The following LY6S variants were observed in gnomAD, a reference collection of about 807,000 sequenced individuals.
LY6S encodes lymphocyte antigen 6S.
chr8:143,058,665 G>A, the LY6S span, among the ~76,000 whole-genome samples: 2 of 152,238 alleles, frequency 1.3e-5, no homozygotes, highest in African/African-American at 4.8e-5. Flanking sequence ...TCCACATGCA[G>A]TGGAGGAGTA....
the LY6S span, chr8:143,057,324 A>C: frequency 2.8e-6 from 1 of 357,128 alleles, no homozygotes; most frequent in Admixed American, 3.8e-5. Context: ...ATCTCGGCTC[A>C]CTGCAATCTC....
chr8:143,049,092 C>A, the LY6S span: 3 of 507,300 alleles, frequency 5.9e-6, no homozygotes, highest in Non-Finnish European at 1.2e-5. Flanking sequence ...CCCGTGACCT[C>A]CTAGCGCCCT....
the LY6S span, among the ~76,000 whole-genome samples, chr8:143,070,459 TA>T: frequency 1.3e-4 from 6 of 46,262 alleles, no homozygotes; most frequent in African/African-American, 4.3e-4. Context: ...TATATATATA[TA>T]TATAATATAT....
the LY6S span, chr8:143,043,027 C>A: frequency 7.3e-7 from 1 of 1,367,866 alleles, no homozygotes; most frequent in Non-Finnish European, 9.8e-7. Context: ...CACCAGAATT[C>A]CTGCAATTCA....
At chr8:143,051,130 C>T in the LY6S span, among the ~76,000 whole-genome samples, 6 of 152,232 alleles carry the variant, frequency 3.9e-5, no homozygotes, top group Non-Finnish European at 8.8e-5. Flanking sequence ...AAAGAGGAAA[C>T]TCCTCAGTGA....
At chr8:143,050,428 G>A in the LY6S span, among the ~76,000 whole-genome samples, 24 of 152,096 alleles carry the variant, frequency 1.6e-4, no homozygotes, top group Non-Finnish European at 2.9e-4. Context: ...TGACCCACCC[G>A]TCTCAGCCTC....
the LY6S span, among the ~76,000 whole-genome samples, chr8:143,056,303 T>C: frequency 6.6e-6 from 1 of 151,048 alleles, no homozygotes; most frequent in South Asian, 2.1e-4. Context: ...TGAAAATTCA[T>C]TCAACTTTGG....
the LY6S span, among the ~76,000 whole-genome samples, chr8:143,065,744 CTCTTTCTT>C: frequency 4.8e-5 from 5 of 103,574 alleles, no homozygotes; most frequent in South Asian, 2.9e-4. Context: ...CTCTTTCTTT[CTCTTTCTT>C]TCTTTCTTTC....
chr8:143,072,940 G>A, the LY6S span, among the ~76,000 whole-genome samples: 1 of 53,224 alleles, frequency 1.9e-5, no homozygotes, highest in African/African-American at 1.0e-4. Context: ...CCTGTTTGAG[G>A]AGACAGCCGT....
chr8:143,071,323 G>A, the LY6S span, among the ~76,000 whole-genome samples: 2 of 152,200 alleles, frequency 1.3e-5, no homozygotes, highest in African/African-American at 2.4e-5. Flanking sequence ...TGGGATAGAG[G>A]GGAGGGATGA....
At chr8:143,069,368 A>T in the LY6S span, among the ~76,000 whole-genome samples, 4 of 151,870 alleles carry the variant, frequency 2.6e-5, no homozygotes, top group Non-Finnish European at 5.9e-5. Flanking sequence ...CTTGAAATAC[A>T]CTCCTCATCC....
chr8:143,043,112 G>A, the LY6S span: 1 of 1,367,224 alleles, frequency 7.3e-7, no homozygotes, highest in South Asian at 1.1e-5. Flanking sequence ...GAGAGGGCGG[G>A]AAAGGCCCTC....
At chr8:143,075,469 C>T in the LY6S span, among the ~76,000 whole-genome samples, 2 of 152,180 alleles carry the variant, frequency 1.3e-5, no homozygotes, top group South Asian at 4.2e-4. The surrounding 1 kb of genome is among the most constrained non-coding windows in gnomAD (Gnocchi z 4.1). Context: ...CTTGGGAGGC[C>T]GAGGAGGGTG....
the LY6S span, among the ~76,000 whole-genome samples, chr8:143,058,555 C>T: frequency 6.6e-6 from 1 of 152,244 alleles, no homozygotes; most frequent in Non-Finnish European, 1.5e-5. Context: ...CAGGATGGAA[C>T]ATGAAAGCGG....
At chr8:143,075,522 G>A in the LY6S span, among the ~76,000 whole-genome samples, 1 of 152,110 alleles carries the variant, frequency 6.6e-6, no homozygotes, top group Admixed American at 6.5e-5. This position sits in a 1 kb window ranked among gnomAD's most constrained non-coding sequence, Gnocchi z 4.1. Flanking sequence ...TGGGCAACAT[G>A]ATGAAACCCC....
At chr8:143,048,470 CTTTTTTTTTTT>C in the LY6S span, among the ~76,000 whole-genome samples, 1 of 124,520 alleles carries the variant, frequency 8.0e-6, no homozygotes, top group Non-Finnish European at 1.7e-5. Context: ...ACAAAATTTT[CTTTTTTTTTTT>C]TTTTTTTTTG....
chr8:143,063,967 C>T, the LY6S span, among the ~76,000 whole-genome samples: 1 of 152,332 alleles, frequency 6.6e-6, no homozygotes, highest in African/African-American at 2.4e-5. Flanking sequence ...TCCAGTAAGC[C>T]ACTGGCTGCA....
At chr8:143,057,394 C>T in the LY6S span, among the ~76,000 whole-genome samples, 44 of 152,160 alleles carry the variant, frequency 2.9e-4, no homozygotes, top group African/African-American at 1.0e-3. Flanking sequence ...AGACTACAGG[C>T]GCCTGCCACC....
chr8:143,056,460 G>A, the LY6S span, among the ~76,000 whole-genome samples: 1 of 151,892 alleles, frequency 6.6e-6, no homozygotes, highest in Non-Finnish European at 1.5e-5. Flanking sequence ...AAAATTCTGA[G>A]CAAACTGAAA....
Sources: gnomAD v4.1 joint callset for allele counts (sites outside exome capture counted in the v4.1 genomes callset) on GRCh38, gnomAD v4.1.1 for gene constraint, Gnocchi (gnomAD v3.1) non-coding constraint, MANE v1.5 for transcripts, NCBI Gene and HGNC (gene_info 2026-07-23, HGNC 2026-07-21) for gene names.